Variants in COL22A1 observed in about 807,000 individuals in gnomAD.
COL22A1 encodes the protein collagen type XXII alpha 1 chain, also known as collagen alpha-1(XXII) chain.
In COL22A1, 221 loss-of-function variants were observed where a neutral mutation model predicts 248.9. The ratio of observed to expected loss-of-function variants is 0.89; its 90% CI spans 0.80 to 0.99. The LOEUF (loss-of-function observed/expected upper bound fraction) is 0.99. COL22A1 is among the 50% of genes least tolerant of loss of function. The pLI is 0.00. For missense variants in COL22A1, 2,240 were observed against 2,179.0 expected (o/e 1.03, Z -0.56); for synonymous variants, 891 against 793.4 (o/e 1.12, Z -2.07).
intron 9 of COL22A1, among the ~76,000 whole-genome samples, chr8:138,809,514 CT>C (rs1200610157): frequency 1.7e-5 from 1 of 60,258 alleles, no homozygotes; most frequent in Non-Finnish European, 4.0e-5. Flanking sequence ...TTCTTCTTCT[CT>C]TTTTTTCTTT....
At chr8:138,690,746 C>G in intron 36 of COL22A1, 75 bp downstream of exon 36, 1 of 1,216,740 alleles carries the variant, frequency 8.2e-7, no homozygotes, top group Non-Finnish European at 1.2e-6. Context: ...GTATCCTACG[C>G]CTCTGGCTTT....
At chr8:138,854,830 C>T (rs541645215) in intron 3 of COL22A1, among the ~76,000 whole-genome samples, 4 of 145,838 alleles carry the variant, frequency 2.7e-5, no homozygotes, top group East Asian at 1.9e-4. Flanking sequence ...ATGATGGTGA[C>T]GATGATGGTG....
intron 56 of COL22A1, 27 bp from the exon 57 acceptor site, chr8:138,608,016 C>A (rs1400852236): frequency 3.1e-6 from 5 of 1,611,350 alleles, no homozygotes; most frequent in Non-Finnish European, 4.2e-6. Flanking sequence ...AGGTAATCAT[C>A]CTGCCAGGGC....
intron 21 of COL22A1, among the ~76,000 whole-genome samples, chr8:138,751,842 C>G (rs1317517308): frequency 6.6e-6 from 1 of 152,206 alleles, no homozygotes; most frequent in African/African-American, 2.4e-5. Context: ...GTCTTTGATT[C>G]TAAGCCCAGT....
intron 16 of COL22A1, among the ~76,000 whole-genome samples, chr8:138,768,195 AG>A (rs1208191260): frequency 3.9e-5 from 6 of 152,058 alleles, no homozygotes; most frequent in Non-Finnish European, 8.8e-5. Context: ...TTCCTTTCCC[AG>A]CCCCCCATGG....
At chr8:138,696,634 C>A (rs1286321372) in intron 32 of COL22A1, among the ~76,000 whole-genome samples, 9 of 152,198 alleles carry the variant, frequency 5.9e-5, no homozygotes, top group Non-Finnish European at 1.5e-5. Flanking sequence ...ACATGGCCTG[C>A]GGCTGTCTTC....
intron 4 of COL22A1, among the ~76,000 whole-genome samples, chr8:138,836,600 G>T (rs1264280933): frequency 6.6e-6 from 1 of 152,164 alleles, no homozygotes; most frequent in Non-Finnish European, 1.5e-5. Context: ...ATGGACAGGT[G>T]GGTGGGTCTC....
At chr8:138,800,234 G>A (rs914105267) in intron 11 of COL22A1, among the ~76,000 whole-genome samples, 2 of 152,142 alleles carry the variant, frequency 1.3e-5, no homozygotes, top group Non-Finnish European at 2.9e-5. Context: ...AGCTTGGAAA[G>A]GGTTGATCAG....
chr8:138,669,358 T>C lies in COL22A1; in HGVS notation c.3151-5618A>G, dbSNP rs374213437. ...TCTGATAAGGAGGCAGAGATGAGGG[T>C]CCTGGAGGCCGGTCAGGGCAGTGTC... On this transcript the variant is annotated intron_variant, in intron 41 of 64. Transcript: ENST00000303045. Among the ~76,000 whole-genome samples the C allele has an allele frequency of 8.5e-5, 13 of 152,140 alleles. No homozygotes were observed. In the East Asian group the frequency reaches 1.7e-3, roughly 20 times the overall value.
chr8:138,811,966 C>A, intron 8 of COL22A1, 45 bp from the exon 9 acceptor site: 1 of 1,498,404 alleles, frequency 6.7e-7, no homozygotes, highest in Admixed American at 2.2e-5. Context: ...CTTCACTCAG[C>A]AGGCACTCCC....
At position 138,811,360 on chromosome 8, in the gene COL22A1, T is replaced by C. The variant is rs9692823; in HGVS notation, c.1449+439A>G. On this transcript the variant is annotated intron_variant, in intron 9 of 64. Transcript: ENST00000303045. ...ACGTACATACACATATATACACACA[T>C]ATATATATATACACGTGTATATATA... Among the ~76,000 whole-genome samples the C allele has an allele frequency of 3.7e-3, 43 of 11,638 alleles. 1 individual carries two copies. Among genetic ancestry groups the C allele is most frequent in the Middle Eastern group, 0.036 (1 of 28 alleles). 7.6% of individuals were successfully genotyped at this position (11,638 alleles called of 152,430 possible). A position where few individuals can be genotyped will look rare whatever the true frequency, so the allele number is the denominator to read the frequency against.
chr8:138,839,483 G>T (rs1820703615), intron 4 of COL22A1, among the ~76,000 whole-genome samples: 1 of 152,142 alleles, frequency 6.6e-6, no homozygotes, highest in South Asian at 2.1e-4. Flanking sequence ...AGCAGGGCAT[G>T]GAGGGGCAAG....
chr8:138,594,649 T>C (rs950516303), intron 62 of COL22A1, among the ~76,000 whole-genome samples: 7 of 152,134 alleles, frequency 4.6e-5, no homozygotes, highest in African/African-American at 1.2e-4. Context: ...GTAAGTGAGA[T>C]GATGCATGTG....
At position 138,716,841 on chromosome 8, in the gene COL22A1, C is replaced by G. The variant is rs1215915472; in HGVS notation, c.2384G>C (p.Gly795Ala). ...CAAACAGACCTTCTCTCCAGGTCGG[C>G]CTGCCAGGCCCTGCTCCCCAATTTC... ...RGEIGEQGLA[G>A]RPGEKGEAGL... Residue 795 changes from glycine to alanine, a missense_variant, in exon 28 of 65, where the codon GGC becomes GCC. Gly to Ala is a moderately conservative substitution (Grantham distance 60). Coordinates refer to ENST00000303045, the MANE Select transcript of COL22A1 (RefSeq NM_152888.3). The G allele has an allele frequency of 6.2e-6, 10 of 1,611,692 alleles. No homozygotes were observed. The East Asian group carries it at 2.2e-4, about 36-fold the overall frequency.
chr8:138,748,463 C>A (rs558670521), intron 22 of COL22A1, among the ~76,000 whole-genome samples: 2 of 152,160 alleles, frequency 1.3e-5, no homozygotes, highest in African/African-American at 4.8e-5. Context: ...ACTTTGGGGA[C>A]GCACAGCCGC....
rs755918995 is a variant in COL22A1 at position 138,821,101 on chromosome 8, G to A, written c.1245+35C>T. 1.2e-5 allele frequency: 19 copies of A among 1,602,882 alleles called. No homozygotes were observed. The South Asian group carries it at 2.0e-4, about 17-fold the overall frequency. ...TCCCAAGGCTTCTCCCCGGTGGCCTGGAACCTGGGCTGCAGAAGGCCCCCT... is the reference window on the plus strand; with the variant it reads ...TCCCAAGGCTTCTCCCCGGTGGCCTAGAACCTGGGCTGCAGAAGGCCCCCT... On this transcript the variant is annotated intron_variant, in intron 7 of 64. Transcript: ENST00000303045.
chr8:138,820,774 A>G (rs1819048000), intron 7 of COL22A1, among the ~76,000 whole-genome samples: 1 of 152,186 alleles, frequency 6.6e-6, no homozygotes, highest in Admixed American at 6.5e-5. Flanking sequence ...TTGCAGACCT[A>G]GGAGCTACCT....
chr8:138,869,303 A>C (rs1038385980), intron 3 of COL22A1, among the ~76,000 whole-genome samples: 5 of 152,224 alleles, frequency 3.3e-5, no homozygotes, highest in Admixed American at 6.5e-5. Context: ...CGTACCCTGG[A>C]AGCAAGATAA....
intron 50 of COL22A1, 67 bp downstream of exon 50, chr8:138,630,628 A>C: frequency 7.0e-7 from 1 of 1,438,262 alleles, no homozygotes; most frequent in East Asian, 2.3e-5. Context: ...CAGAATTGGC[A>C]AACACCTGGG....
Sources: allele counts gnomAD v4.1 joint callset (sites outside exome capture counted in the v4.1 genomes callset), GRCh38; gene constraint gnomAD v4.1.1; transcripts MANE v1.5; gene names NCBI Gene and HGNC (gene_info 2026-07-23, HGNC 2026-07-21).